The following PCDH15 variants were observed in gnomAD, a reference collection of about 807,000 sequenced individuals.
The protein encoded by PCDH15 is protocadherin-15.
Under a neutral mutation model 178.5 loss-of-function variants are expected in PCDH15, and 129 were observed. The observed-to-expected ratio is 0.72, with a 90% CI of 0.63 to 0.84. PCDH15 has a LOEUF of 0.84. PCDH15 is among the 40% of genes least tolerant of loss of function. The pLI is 0.00. For synonymous variants in PCDH15, 800 were observed against 732.0 expected, an observed-to-expected ratio of 1.09 and a Z score of -1.50; for missense variants, 2,230 against 2,099.9, an observed-to-expected ratio of 1.06 and a Z score of -1.21.
Position 54,731,541 on chromosome 10 carries a change from GATAGATATAT to G in PCDH15, c.-28-67261_-28-67252del, listed in dbSNP as rs1448883467. ...CCATCAATGAATAAAGAAAATGTGAGATAGATATATATATATATATATACACACACACACA... is the reference window on the plus strand; with the variant it reads ...CCATCAATGAATAAAGAAAATGTGAGATATATATATATACACACACACACA... On this transcript the variant is annotated intron_variant, in intron 1 of 37. Transcript: ENST00000644397. Among the ~76,000 whole-genome samples the G allele has an allele frequency of 3.7e-4, 25 of 68,316 alleles. 2 individuals are homozygous for G. Among genetic ancestry groups the G allele is most frequent in the South Asian group, 2.8e-3 (5 of 1,814 alleles). The allele number at this position is 68,316 out of a possible 152,430, so 44.8% of individuals were successfully genotyped here. A position where few individuals can be genotyped will look rare whatever the true frequency, so the allele number is the denominator to read the frequency against.
chr10:53,968,918 T>C (rs1268334409), intron 21 of PCDH15, among the ~76,000 whole-genome samples: 2 of 151,966 alleles, frequency 1.3e-5, no homozygotes. Context: ...AGCAGAAAAG[T>C]TGAAATTCTA....
chr10:54,824,424 C>T (rs948001600), intron 3 of PCDH15, among the ~76,000 whole-genome samples: 2 of 152,122 alleles, frequency 1.3e-5, no homozygotes, highest in Non-Finnish European at 1.5e-5. Flanking sequence ...TCTGGTTAGA[C>T]TGAGGCTTTT....
At chr10:54,735,963 A>C (rs1482549459) in intron 1 of PCDH15, among the ~76,000 whole-genome samples, 8 of 148,870 alleles carry the variant, frequency 5.4e-5, no homozygotes, top group African/African-American at 2.0e-4. Context: ...ACATGTATAC[A>C]TATGTAACTA....
intron 2 of PCDH15, among the ~76,000 whole-genome samples, chr10:55,133,708 CCTAT>C (rs1435814267): frequency 6.6e-6 from 1 of 152,080 alleles, no homozygotes; most frequent in African/African-American, 2.4e-5. Flanking sequence ...CATCTGATGC[CCTAT>C]CTATTTTGGT....
intron 8 of PCDH15, among the ~76,000 whole-genome samples, chr10:54,296,464 C>T (rs556493954): frequency 6.6e-6 from 1 of 151,968 alleles, no homozygotes; most frequent in East Asian, 1.9e-4. Context: ...CCTGGGTCCT[C>T]ATGCCTGTCA....
chr10:54,804,200 C>T (rs1031795696), upstream of PCDH15, among the ~76,000 whole-genome samples: 50 of 152,134 alleles, frequency 3.3e-4, no homozygotes, highest in African/African-American at 1.2e-3. Flanking sequence ...CCACCACGCC[C>T]AGCTAATTTT....
chr10:54,423,287 A>G (rs1043264855), intron 3 of PCDH15, among the ~76,000 whole-genome samples: 1 of 150,558 alleles, frequency 6.6e-6, no homozygotes, highest in African/African-American at 2.5e-5. Flanking sequence ...TCTCAGGGAG[A>G]GAGAAGGGCA....
At chr10:54,814,909 T>A (rs1952923716) in intron 3 of PCDH15, among the ~76,000 whole-genome samples, 1 of 152,082 alleles carries the variant, frequency 6.6e-6, no homozygotes, top group Admixed American at 6.6e-5. Context: ...TCATACCACC[T>A]CCCAGACATT....
chr10:54,458,949 T>C (rs1045566619), intron 3 of PCDH15, among the ~76,000 whole-genome samples: 2 of 152,230 alleles, frequency 1.3e-5, no homozygotes, highest in East Asian at 1.9e-4. Flanking sequence ...CATTGTAACA[T>C]TGATGAGAAA....
At chr10:54,241,103 T>A (rs540004011) in intron 8 of PCDH15, among the ~76,000 whole-genome samples, 1 of 152,298 alleles carries the variant, frequency 6.6e-6, no homozygotes, top group East Asian at 1.9e-4. Flanking sequence ...TACTCTCTGG[T>A]CAACTTTGTA....
intron 21 of PCDH15, among the ~76,000 whole-genome samples, chr10:53,991,942 G>A (rs547299410): frequency 5.9e-5 from 9 of 152,236 alleles, no homozygotes; most frequent in Middle Eastern, 3.4e-3. Context: ...GCCCAAGCCA[G>A]CAGCCGCAAC....
At chr10:54,575,682 T>C (rs1378099531) in intron 2 of PCDH15, among the ~76,000 whole-genome samples, 10 of 151,804 alleles carry the variant, frequency 6.6e-5, no homozygotes, top group Non-Finnish European at 4.4e-5. Flanking sequence ...AATTTTTCAA[T>C]ATATGAAAGA....
At chr10:54,540,989 T>C (rs1408203885) in intron 2 of PCDH15, among the ~76,000 whole-genome samples, 1 of 152,124 alleles carries the variant, frequency 6.6e-6, no homozygotes, top group East Asian at 1.9e-4. Flanking sequence ...CAACAAACTC[T>C]GTATCAAGGG....
chr10:54,771,805 A>G (rs1180984457), intron 1 of PCDH15, among the ~76,000 whole-genome samples: 1 of 152,176 alleles, frequency 6.6e-6, no homozygotes, highest in African/African-American at 2.4e-5. Context: ...AAAATTTTCA[A>G]AAGACATCTT....
At chr10:54,367,633 A>G (rs1253016096) in intron 5 of PCDH15, among the ~76,000 whole-genome samples, 2 of 151,846 alleles carry the variant, frequency 1.3e-5, no homozygotes, top group African/African-American at 4.8e-5. Flanking sequence ...AGGGAGGAAA[A>G]CATCACACAC....
chr10:55,218,711 GA>G (rs995781820), intron 1 of PCDH15, among the ~76,000 whole-genome samples: 11 of 152,090 alleles, frequency 7.2e-5, no homozygotes, highest in Admixed American at 3.9e-4. Context: ...GATGGATTTG[GA>G]CTGTAAGGTG....
chr10:54,850,983 A>G (rs1218774993), intron 3 of PCDH15, among the ~76,000 whole-genome samples: 1 of 152,200 alleles, frequency 6.6e-6, no homozygotes, highest in Non-Finnish European at 1.5e-5. Flanking sequence ...TGCAGAAATA[A>G]GGAAATGTGA....
At chr10:53,983,717 G>T (rs1029314075) in intron 21 of PCDH15, among the ~76,000 whole-genome samples, 2 of 152,154 alleles carry the variant, frequency 1.3e-5, no homozygotes, top group Non-Finnish European at 2.9e-5. Context: ...AAACACAGTT[G>T]TTAAGTTTAT....
At chr10:54,462,680 ATTTT>A (rs767750465) in intron 3 of PCDH15, among the ~76,000 whole-genome samples, 19 of 56,228 alleles carry the variant, frequency 3.4e-4, no homozygotes, top group African/African-American at 1.7e-3. Flanking sequence ...CACCTGCTTA[ATTTT>A]TTTTTTTTTT....
Sources: allele counts gnomAD v4.1 joint callset (sites outside exome capture counted in the v4.1 genomes callset), GRCh38; gene constraint gnomAD v4.1.1; transcripts MANE v1.5; gene names NCBI Gene and HGNC (gene_info 2026-07-23, HGNC 2026-07-21).